NKAIN2: variants seen among roughly 807,000 people sequenced by gnomAD.
NKAIN2 encodes sodium/potassium transporting ATPase interacting 2, also known as sodium/potassium-transporting ATPase subunit beta-1-interacting protein 2.
NKAIN2 carries 14 observed loss-of-function variants against 32.6 expected under a neutral mutation model. The ratio of observed to expected loss-of-function variants is 0.43; its 90% CI spans 0.28 to 0.67. The LOEUF (loss-of-function observed/expected upper bound fraction) is 0.67. NKAIN2 is among the 30% of genes least tolerant of loss of function. The pLI, the probability that NKAIN2 is intolerant of heterozygous loss-of-function variation, is 0.17. For missense variants in NKAIN2, 198 were observed against 258.3 expected (o/e 0.77, Z 1.60); for synonymous variants, 80 against 87.2 (o/e 0.92, Z 0.46).
intron 1 of NKAIN2, among the ~76,000 whole-genome samples, chr6:123,933,763 C>T (rs1452427928): frequency 2.0e-5 from 3 of 152,220 alleles, no homozygotes; most frequent in Admixed American, 6.5e-5. Flanking sequence ...CAGTCATAGG[C>T]GTAGCCCTTA....
chr6:123,999,824 A>T (rs1427963138), intron 1 of NKAIN2, among the ~76,000 whole-genome samples: 1 of 151,948 alleles, frequency 6.6e-6, no homozygotes, highest in East Asian at 1.9e-4. Flanking sequence ...AGAATATTAG[A>T]CTTAATTTGG....
chr6:124,298,519 G>C (rs1374931045), intron 2 of NKAIN2, among the ~76,000 whole-genome samples: 2 of 152,056 alleles, frequency 1.3e-5, no homozygotes, highest in Admixed American at 1.3e-4. Flanking sequence ...AATGTCCATT[G>C]TTCACTATTT....
intron 4 of NKAIN2, among the ~76,000 whole-genome samples, chr6:124,682,489 C>T (rs1773669730): frequency 6.6e-6 from 1 of 152,096 alleles, no homozygotes; most frequent in African/African-American, 2.4e-5. Context: ...ACGTGAAGTA[C>T]TGACAGTAGA....
chr6:124,143,042 T>A (rs992162388), intron 1 of NKAIN2, among the ~76,000 whole-genome samples: 6 of 152,342 alleles, frequency 3.9e-5, no homozygotes, highest in African/African-American at 1.4e-4. Context: ...TTGAACTGTT[T>A]ATGCTTCTGA....
chr6:124,559,834 A>ATTTTTTTTTTTT (rs55701016), intron 3 of NKAIN2, among the ~76,000 whole-genome samples: 1 of 73,762 alleles, frequency 1.4e-5, no homozygotes, highest in Non-Finnish European at 2.3e-5. Flanking sequence ...GAAATAAACC[A>ATTTTTTTTTTTT]TTTTTTTTTT....
At chr6:124,096,981 G>T (rs187451930) in intron 1 of NKAIN2, among the ~76,000 whole-genome samples, 230 of 151,994 alleles carry the variant, frequency 1.5e-3, no homozygotes, top group African/African-American at 5.5e-3. Context: ...AATGATTTAA[G>T]AACGTAGATG....
intron 3 of NKAIN2, among the ~76,000 whole-genome samples, chr6:124,628,173 A>G (rs867701394): frequency 6.6e-6 from 1 of 151,960 alleles, no homozygotes; most frequent in African/African-American, 2.4e-5. Context: ...ATCTCCTTCT[A>G]CTTAAATCTT....
chr6:123,824,784 A>G (rs1011547436), intron 1 of NKAIN2, among the ~76,000 whole-genome samples: 3 of 151,994 alleles, frequency 2.0e-5, no homozygotes, highest in Non-Finnish European at 4.4e-5. Context: ...CCAGTCAGCA[A>G]GGGAAGAGTT....
chr6:124,586,289 T>C (rs141463538), intron 3 of NKAIN2, among the ~76,000 whole-genome samples: 18 of 152,304 alleles, frequency 1.2e-4, no homozygotes, highest in African/African-American at 4.3e-4. Flanking sequence ...AATGGAACTC[T>C]CATACATCAG....
At chr6:123,957,485 T>C (rs1209980044) in intron 1 of NKAIN2, among the ~76,000 whole-genome samples, 1 of 152,302 alleles carries the variant, frequency 6.6e-6, no homozygotes, top group South Asian at 2.1e-4. Flanking sequence ...TTTTTCAATA[T>C]ATAGGGTATT....
intron 3 of NKAIN2, among the ~76,000 whole-genome samples, chr6:124,383,060 T>C (rs180894373): frequency 6.6e-6 from 1 of 152,264 alleles, no homozygotes; most frequent in Non-Finnish European, 1.5e-5. Flanking sequence ...CTGTACTGCT[T>C]CACTTTAATT....
At chr6:124,506,903 C>T (rs1778508398) in intron 3 of NKAIN2, among the ~76,000 whole-genome samples, 2 of 151,070 alleles carry the variant, frequency 1.3e-5, no homozygotes, top group Non-Finnish European at 3.0e-5. Context: ...TAGATATCAC[C>T]TGGAAGCTAG....
chr6:124,153,922 T>A (rs1330183337), intron 1 of NKAIN2, among the ~76,000 whole-genome samples: 1 of 119,914 alleles, frequency 8.3e-6, no homozygotes, highest in Admixed American at 9.6e-5. Context: ...AGCATTCATA[T>A]GTTATCTATT....
chr6:124,298,616 A>G (rs1182272163), intron 2 of NKAIN2, among the ~76,000 whole-genome samples: 1 of 152,220 alleles, frequency 6.6e-6, no homozygotes, highest in Non-Finnish European at 1.5e-5. Flanking sequence ...ATAATGCCAC[A>G]CACATTCATC....
At chr6:124,177,062 G>T (rs1269718447) in intron 1 of NKAIN2, among the ~76,000 whole-genome samples, 3 of 151,812 alleles carry the variant, frequency 2.0e-5, no homozygotes, top group Non-Finnish European at 4.4e-5. Context: ...TCCTATGTGG[G>T]TATAATAAAA....
intron 1 of NKAIN2, among the ~76,000 whole-genome samples, chr6:123,976,371 CCA>C (rs1778617350): frequency 1.8e-4 from 1 of 5,450 alleles, no homozygotes; most frequent in Admixed American, 3.0e-3. Context: ...ATATATATTC[CCA>C]TATATATATA....
At chr6:124,185,502 C>A (rs1246920647) in intron 1 of NKAIN2, among the ~76,000 whole-genome samples, 1 of 152,080 alleles carries the variant, frequency 6.6e-6, no homozygotes, top group African/African-American at 2.4e-5. Context: ...CAATAAAAGA[C>A]TGTGTCTACT....
chr6:123,862,739 T>C (rs1338970786), intron 1 of NKAIN2, among the ~76,000 whole-genome samples: 2 of 152,232 alleles, frequency 1.3e-5, no homozygotes, highest in Admixed American at 6.5e-5. Context: ...TGTCTCCATG[T>C]TGGCACCCAC....
chr6:124,525,563 G>A (rs572723461), intron 3 of NKAIN2, among the ~76,000 whole-genome samples: 5 of 152,158 alleles, frequency 3.3e-5, no homozygotes, highest in Non-Finnish European at 7.4e-5. Context: ...GGGACAGGAC[G>A]TTTTACTTTA....
Sources: allele counts gnomAD v4.1 joint callset (sites outside exome capture counted in the v4.1 genomes callset), GRCh38; gene constraint gnomAD v4.1.1; transcripts MANE v1.5; gene names NCBI Gene and HGNC (gene_info 2026-07-23, HGNC 2026-07-21).